The following ATAD1 variants were observed in gnomAD, a reference collection of about 807,000 sequenced individuals.
ATAD1 encodes the protein ATPase family AAA domain containing 1.
A neutral mutation model predicts 42.7 loss-of-function variants in ATAD1; 18 were observed. The observed-to-expected ratio is 0.42, with a 90% CI of 0.29 to 0.63. The LOEUF is 0.63. Ranked by LOEUF, ATAD1 falls within the 20% of genes least tolerant of loss-of-function variation. The pLI is 0.19. For missense variants in ATAD1, 294 were observed against 440.4 expected (o/e 0.67, Z 2.98); for synonymous variants, 132 against 143.1 (o/e 0.92, Z 0.55).
Position 87,811,773 on chromosome 10 carries a change from T to C in ATAD1, c.162+2665A>G, listed in dbSNP as rs73352889. Among the ~76,000 whole-genome samples the C allele has an allele frequency of 8.0e-3, 1,224 of 152,298 alleles. 12 individuals are homozygous for C. Among genetic ancestry groups the C allele is most frequent in the African/African-American group, 0.028 (1,169 of 41,556 alleles). ...AACCATCGATAAGGAAATATACCTC[T>C]GGATTGACCTTTTTTCTGAGATTCA... is the stretch of plus-strand genomic sequence containing the variant. On this transcript the variant is annotated intron_variant, in intron 2 of 9. Coordinates refer to ENST00000680024, the MANE Select transcript of ATAD1 (RefSeq NM_001321967.2).
At chr10:87,775,175 C>T (rs1419020940) in intron 6 of ATAD1, among the ~76,000 whole-genome samples, 3 of 151,742 alleles carry the variant, frequency 2.0e-5, no homozygotes, top group Non-Finnish European at 4.4e-5. Context: ...AATCCCAGCA[C>T]TTCAGGAGGG....
intron 2 of ATAD1, among the ~76,000 whole-genome samples, chr10:87,807,084 CT>C (rs1856958912): frequency 6.6e-6 from 1 of 152,152 alleles, no homozygotes; most frequent in Non-Finnish European, 1.5e-5. Flanking sequence ...TGGTTGCATG[CT>C]TGATACATGT....
intron 3 of ATAD1, among the ~76,000 whole-genome samples, chr10:87,791,979 T>G (rs1856143903): frequency 6.6e-6 from 1 of 152,142 alleles, no homozygotes; most frequent in Non-Finnish European, 1.5e-5. Context: ...TTAAACTCTA[T>G]AAAACAAAAA....
intron 2 of ATAD1, among the ~76,000 whole-genome samples, chr10:87,801,601 T>G (rs1856698673): frequency 6.6e-6 from 1 of 151,822 alleles, no homozygotes; most frequent in Non-Finnish European, 1.5e-5. Flanking sequence ...TATGACTTAA[T>G]GTACATTATC....
intron 8 of ATAD1, among the ~76,000 whole-genome samples, chr10:87,763,344 C>T (rs1854587462): frequency 6.6e-6 from 1 of 152,118 alleles, no homozygotes; most frequent in Non-Finnish European, 1.5e-5. Flanking sequence ...TTTGCATACA[C>T]TATATGTTAT....
intron 1 of ATAD1, among the ~76,000 whole-genome samples, chr10:87,836,909 G>A (rs1857940774): frequency 6.6e-6 from 1 of 152,018 alleles, no homozygotes; most frequent in South Asian, 2.1e-4. Flanking sequence ...AATTTCTGTT[G>A]CCTCATCTTC....
intron 5 of ATAD1, among the ~76,000 whole-genome samples, chr10:87,780,934 C>T (rs1855532512): frequency 1.3e-5 from 2 of 152,116 alleles, no homozygotes; most frequent in Non-Finnish European, 2.9e-5. Flanking sequence ...AAATGTCCTC[C>T]TTACACAAAA....
chr10:87,793,892 T>G (rs1372948275), intron 2 of ATAD1, among the ~76,000 whole-genome samples: 3 of 151,876 alleles, frequency 2.0e-5, no homozygotes, highest in Non-Finnish European at 4.4e-5. Context: ...ATTTTAGTTA[T>G]AGAATAGCTA....
At chr10:87,779,754 T>A (rs573580523) in intron 5 of ATAD1, among the ~76,000 whole-genome samples, 2 of 152,332 alleles carry the variant, frequency 1.3e-5, no homozygotes, top group Non-Finnish European at 2.9e-5. Flanking sequence ...ATGCAAATTT[T>A]AAAAATGGGA....
chr10:87,822,695 A>C (rs1273612524), upstream of ATAD1, among the ~76,000 whole-genome samples: 4 of 152,266 alleles, frequency 2.6e-5, no homozygotes, highest in Non-Finnish European at 5.9e-5. Flanking sequence ...AAATACAGTT[A>C]GATAGAAAAA....
intron 2 of ATAD1, among the ~76,000 whole-genome samples, chr10:87,799,133 A>G (rs1856557366): frequency 1.3e-5 from 2 of 152,228 alleles, no homozygotes; most frequent in African/African-American, 2.4e-5. Flanking sequence ...TAGCTTTAAA[A>G]TTACTGGCAA....
At chr10:87,781,647 AT>A (rs34924600) in intron 5 of ATAD1, among the ~76,000 whole-genome samples, 2 of 150,832 alleles carry the variant, frequency 1.3e-5, no homozygotes, top group East Asian at 3.9e-4. Flanking sequence ...GAGATGAAGA[AT>A]TTTTTTTTTG....
At chr10:87,811,277 G>A (rs906810956) in intron 2 of ATAD1, among the ~76,000 whole-genome samples, 4 of 151,950 alleles carry the variant, frequency 2.6e-5, no homozygotes, top group Non-Finnish European at 5.9e-5. Flanking sequence ...AGGGTACAGC[G>A]AGCTGAGATT....
chr10:87,836,110 C>A (rs1044754408), intron 1 of ATAD1, among the ~76,000 whole-genome samples: 1 of 151,880 alleles, frequency 6.6e-6, no homozygotes, highest in Admixed American at 6.6e-5. Context: ...CTTCTTTATT[C>A]CTTGTTTTTG....
chr10:87,825,498 A>G (rs551054232), intron 1 of ATAD1, among the ~76,000 whole-genome samples: 1 of 151,870 alleles, frequency 6.6e-6, no homozygotes, highest in East Asian at 1.9e-4. Flanking sequence ...TTTAGTAGAG[A>G]CGGGGTTTCA....
intron 6 of ATAD1, among the ~76,000 whole-genome samples, chr10:87,775,959 G>A (rs1189895739): frequency 1.3e-5 from 2 of 152,244 alleles, no homozygotes; most frequent in South Asian, 2.1e-4. Context: ...AGTAAGAACC[G>A]AGGAAAACAG....
intron 5 of ATAD1, among the ~76,000 whole-genome samples, chr10:87,781,201 A>C (rs1220319928): frequency 1.3e-5 from 2 of 152,186 alleles, no homozygotes; most frequent in Non-Finnish European, 2.9e-5. Context: ...AAGTCAACAT[A>C]AAGTAAAATT....
In ATAD1 at chr10:87,806,492, A is replaced by G. The variant is rs141312376; in HGVS notation, c.162+7946T>C. Among the ~76,000 whole-genome samples, 115 of 152,238 alleles carry G rather than the reference A, an allele frequency of 7.6e-4. 3 individuals are homozygous for G. In the East Asian group the frequency reaches 0.015, roughly 20 times the overall value. On this transcript the variant is annotated intron_variant, in intron 2 of 9. Coordinates refer to ENST00000680024, the MANE Select transcript of ATAD1 (RefSeq NM_001321967.2). ...CCCAGAAAAAAAAATCACAATCCTA[A>G]ATTGAAATCATCTCTTGCTTTTCTT...
At chr10:87,764,878 A>G (rs991388153) in intron 8 of ATAD1, among the ~76,000 whole-genome samples, 11 of 152,144 alleles carry the variant, frequency 7.2e-5, no homozygotes, top group African/African-American at 2.7e-4. Flanking sequence ...CTATAAATTA[A>G]AAGAGACATA....
Sources: gnomAD v4.1 joint callset for allele counts (sites outside exome capture counted in the v4.1 genomes callset) on GRCh38, gnomAD v4.1.1 for gene constraint, MANE v1.5 for transcripts, NCBI Gene and HGNC (gene_info 2026-07-23, HGNC 2026-07-21) for gene names.